Variants in ST6GALNAC3 observed in about 807,000 individuals in gnomAD.
The protein encoded by ST6GALNAC3 is ST6 N-acetylgalactosaminide alpha-2,6-sialyltransferase 3, also known as alpha-N-acetylgalactosaminide alpha-2,6-sialyltransferase 3.
Under a neutral mutation model 32.7 loss-of-function variants are expected in ST6GALNAC3, and 25 were observed. That is an observed-to-expected ratio of 0.76 (90% CI 0.56 to 1.07). The LOEUF (loss-of-function observed/expected upper bound fraction) is 1.07, where lower values mean the gene tolerates loss of function less well. ST6GALNAC3 is among the 50% of genes least tolerant of loss of function. The pLI is 0.00. For missense variants in ST6GALNAC3, 355 were observed against 382.4 expected (o/e 0.93, Z 0.60); for synonymous variants, 129 against 133.1 (o/e 0.97, Z 0.21).
At chr1:76,099,150 G>A (rs1259468040) in intron 1 of ST6GALNAC3, among the ~76,000 whole-genome samples, 1 of 152,090 alleles carries the variant, frequency 6.6e-6, no homozygotes, top group Non-Finnish European at 1.5e-5. Context: ...ATGTCACACT[G>A]TAGTTTTTTA....
chr1:76,303,210 G>T (rs147362976), intron 1 of ST6GALNAC3, among the ~76,000 whole-genome samples: 1 of 152,132 alleles, frequency 6.6e-6, no homozygotes, highest in African/African-American at 2.4e-5. Flanking sequence ...GCAGACAGCA[G>T]TTAATCAGAG....
At position 76,159,392 on chromosome 1, in the gene ST6GALNAC3, C is replaced by T. The variant is rs924545586; in HGVS notation, c.18+84508C>T. On this transcript the variant is annotated intron_variant, in intron 1 of 4. Coordinates refer to ENST00000328299, the MANE Select transcript of ST6GALNAC3 (RefSeq NM_152996.4). The stretch of plus-strand genomic sequence containing the variant: ...AGAGACAGAGTTTCACCATGTTGAC[C>T]AGGCTGGTCTCGAACTCCTAGCCTC... Among the ~76,000 whole-genome samples the T allele has an allele frequency of 3.3e-5, 5 of 152,260 alleles. No individual in the cohort carries two copies. In the South Asian group the frequency reaches 1.0e-3, roughly 32 times the overall value.
intron 3 of ST6GALNAC3, among the ~76,000 whole-genome samples, chr1:76,576,613 C>T (rs1016239772): frequency 4.6e-5 from 7 of 151,968 alleles, no homozygotes; most frequent in African/African-American, 1.7e-4. Flanking sequence ...AAAGAGACAT[C>T]AGTTACACCT....
At chr1:76,605,497 A>G (rs1376374193) in intron 3 of ST6GALNAC3, among the ~76,000 whole-genome samples, 1 of 152,178 alleles carries the variant, frequency 6.6e-6, no homozygotes, top group East Asian at 1.9e-4. Context: ...TCTATCTGAC[A>G]AAGGTCTAAT....
intron 3 of ST6GALNAC3, among the ~76,000 whole-genome samples, chr1:76,558,076 CA>C (rs1455803597): frequency 1.3e-5 from 2 of 151,946 alleles, no homozygotes. Flanking sequence ...GCTATTACTA[CA>C]AAAACAAAAA....
chr1:76,322,372 A>G (rs1228622454), intron 2 of ST6GALNAC3, among the ~76,000 whole-genome samples: 1 of 152,206 alleles, frequency 6.6e-6, no homozygotes, highest in Non-Finnish European at 1.5e-5. Flanking sequence ...AATGAACTGT[A>G]ATTTAAAGAA....
At chr1:76,452,539 G>A (rs1657485697) in intron 3 of ST6GALNAC3, among the ~76,000 whole-genome samples, 1 of 152,072 alleles carries the variant, frequency 6.6e-6, no homozygotes. Context: ...AGATGATCAT[G>A]TGATTTTTGT....
intron 3 of ST6GALNAC3, among the ~76,000 whole-genome samples, chr1:76,475,864 G>A (rs528719296): frequency 5.9e-5 from 9 of 152,038 alleles, no homozygotes; most frequent in East Asian, 1.9e-4. Context: ...CCCAGCCCCC[G>A]ACAGGCCCCG....
chr1:76,417,617 G>A (rs1337412404), intron 3 of ST6GALNAC3, among the ~76,000 whole-genome samples: 1 of 152,170 alleles, frequency 6.6e-6, no homozygotes, highest in Non-Finnish European at 1.5e-5. Flanking sequence ...GCCAATGTGA[G>A]ATATTCTGCT....
chr1:76,462,125 G>A (rs1297938899), intron 3 of ST6GALNAC3, among the ~76,000 whole-genome samples: 1 of 151,882 alleles, frequency 6.6e-6, no homozygotes, highest in Non-Finnish European at 1.5e-5. Flanking sequence ...CATCCCCCCA[G>A]CCTGTAAACT....
chr1:76,437,968 G>A (rs1557886066), intron 3 of ST6GALNAC3, among the ~76,000 whole-genome samples: 2 of 150,882 alleles, frequency 1.3e-5, no homozygotes. Flanking sequence ...TCTTAAGGTC[G>A]ATTCTAAGAA....
Position 76,411,671 on chromosome 1 carries a change from A to G in ST6GALNAC3, c.214-337A>G, listed in dbSNP as rs1479142569. On this transcript the variant is annotated intron_variant, in intron 2 of 4. Coordinates refer to ENST00000328299, the MANE Select transcript of ST6GALNAC3 (RefSeq NM_152996.4). Reference sequence around the variant, plus strand: ...TATTACAAAGATCAAATCTTTTCGTATTTTCTTATTTCACCTGAAATTACA... The same window carrying G: ...TATTACAAAGATCAAATCTTTTCGTGTTTTCTTATTTCACCTGAAATTACA... Among the ~76,000 whole-genome samples, 3 of 152,012 alleles carry G rather than the reference A, an allele frequency of 2.0e-5. No homozygotes were observed. In the East Asian group the frequency reaches 5.8e-4, roughly 29 times the overall value.
At chr1:76,432,604 G>A (rs1324429042) in intron 3 of ST6GALNAC3, among the ~76,000 whole-genome samples, 1 of 151,742 alleles carries the variant, frequency 6.6e-6, no homozygotes, top group Non-Finnish European at 1.5e-5. Flanking sequence ...ACAGGCGTGT[G>A]CCACCATGCC....
At chr1:76,305,753 A>G (rs141549244) in intron 1 of ST6GALNAC3, among the ~76,000 whole-genome samples, 13 of 152,084 alleles carry the variant, frequency 8.5e-5, no homozygotes, top group Non-Finnish European at 1.8e-4. Flanking sequence ...TCATAGTCTT[A>G]ACAGAGGATG....
At chr1:76,555,127 A>AGGAAGATG (rs1664843286) in intron 3 of ST6GALNAC3, among the ~76,000 whole-genome samples, 1 of 152,182 alleles carries the variant, frequency 6.6e-6, no homozygotes, top group African/African-American at 2.4e-5. Context: ...AGGAGAAGGC[A>AGGAAGATG]GGAAGATGCT....
At chr1:76,508,454 A>G (rs1218309859) in intron 3 of ST6GALNAC3, among the ~76,000 whole-genome samples, 1 of 152,070 alleles carries the variant, frequency 6.6e-6, no homozygotes, top group African/African-American at 2.4e-5. Flanking sequence ...TGACAGGAAA[A>G]TTTCAACATT....
intron 2 of ST6GALNAC3, among the ~76,000 whole-genome samples, chr1:76,352,997 G>T (rs2101027095): frequency 6.6e-6 from 1 of 152,072 alleles, no homozygotes; most frequent in South Asian, 2.1e-4. Flanking sequence ...ATTCTCCACT[G>T]GTCTCCTGCT....
intron 1 of ST6GALNAC3, among the ~76,000 whole-genome samples, chr1:76,126,588 TC>T (rs1242143754): frequency 6.6e-6 from 1 of 152,220 alleles, no homozygotes; most frequent in Middle Eastern, 3.2e-3. Flanking sequence ...GGGTACTGTC[TC>T]CTGACTTTTG....
At chr1:76,118,985 G>T (rs932866438) in intron 1 of ST6GALNAC3, among the ~76,000 whole-genome samples, 1 of 152,146 alleles carries the variant, frequency 6.6e-6, no homozygotes, top group Non-Finnish European at 1.5e-5. Context: ...ACCATGCCCA[G>T]CTAATTTTTG....
Sources: gnomAD v4.1 joint callset for allele counts (sites outside exome capture counted in the v4.1 genomes callset) on GRCh38, gnomAD v4.1.1 for gene constraint, MANE v1.5 for transcripts, NCBI Gene and HGNC (gene_info 2026-07-23, HGNC 2026-07-21) for gene names.